The following CADM2 variants were observed in gnomAD, a reference collection of about 807,000 sequenced individuals.
CADM2 encodes cell adhesion molecule 2, also known as immunoglobulin superfamily member 4D.
CADM2 carries 12 observed loss-of-function variants against 49.8 expected under a neutral mutation model. That is an observed-to-expected ratio of 0.24 (90% CI 0.15 to 0.39). The LOEUF is 0.39. Among genes scored for constraint, CADM2 ranks in the 10% least tolerant of loss-of-function variants. CADM2 has a pLI of 1.00. For synonymous variants in CADM2, 214 were observed against 175.4 expected (o/e 1.22, Z -1.74); for missense variants, 378 against 492.3 (o/e 0.77, Z 2.20).
intron 1 of CADM2, among the ~76,000 whole-genome samples, chr3:85,248,328 G>A (rs542180946): frequency 4.6e-5 from 7 of 152,108 alleles, no homozygotes; most frequent in African/African-American, 1.7e-4. Flanking sequence ...AAGCTGGAGT[G>A]AAGTGGCCTG....
chr3:84,959,017 T>C lies in CADM2; in HGVS notation c.-591T>C. On this transcript the variant is annotated 5_prime_UTR_variant, in exon 1 of 10. Transcript: ENST00000383699. The stretch of plus-strand genomic sequence containing the variant: ...GAGCTGCCGCCGTCGCCGCTGCCGC[T>C]GCCGCCACAGCCGCCGCTGCAGCCG... 1 of 200,738 alleles carries C rather than the reference T, an allele frequency of 5.0e-6. No individual in the cohort carries two copies. The highest frequency in any genetic ancestry group is 9.9e-6 in the Non-Finnish European group (1 of 101,036). The allele number at this position is 200,738 out of a possible 1,614,324, so 12.4% of individuals were successfully genotyped here.
chr3:84,987,473 A>G (rs773972699), intron 1 of CADM2, among the ~76,000 whole-genome samples: 3 of 152,136 alleles, frequency 2.0e-5, no homozygotes, highest in South Asian at 2.1e-4. Context: ...TTCCTTTTCT[A>G]TAGGGCTCTG....
intron 1 of CADM2, among the ~76,000 whole-genome samples, chr3:85,543,809 G>T (rs957815215): frequency 6.6e-6 from 1 of 152,124 alleles, no homozygotes; most frequent in African/African-American, 2.4e-5. Context: ...GGCATGTATT[G>T]ACTTATGAGA....
In CADM2 at chr3:85,026,898, T is replaced by A. The variant is rs116174906; in HGVS notation, c.61+67230T>A. Among the ~76,000 whole-genome samples, 1,176 of 152,102 alleles carry A rather than the reference T, an allele frequency of 7.7e-3. 22 individuals are homozygous for A. The highest frequency in any genetic ancestry group is 0.027 in the African/African-American group (1,139 of 41,496). Reference sequence around the variant, plus strand: ...TTTAAAAATGCTAGTGTATATACCCTGGAAAAATGTATGTTAAACAACTAT... The same window carrying A: ...TTTAAAAATGCTAGTGTATATACCCAGGAAAAATGTATGTTAAACAACTAT... On this transcript the variant is annotated intron_variant, in intron 1 of 9. Transcript: ENST00000383699.
chr3:85,628,678 T>C (rs376966282), intron 1 of CADM2, among the ~76,000 whole-genome samples: 12 of 145,946 alleles, frequency 8.2e-5, no homozygotes, highest in African/African-American at 2.0e-4. Context: ...TATATACACA[T>C]ATATATATAT....
At chr3:85,072,972 C>G (rs974058968) in intron 1 of CADM2, among the ~76,000 whole-genome samples, 1 of 151,980 alleles carries the variant, frequency 6.6e-6, no homozygotes, top group Non-Finnish European at 1.5e-5. Context: ...GCTTAAAACC[C>G]TCTCTTTCCC....
chr3:85,040,893 TA>T (rs2035406785), intron 1 of CADM2, among the ~76,000 whole-genome samples: 1 of 152,196 alleles, frequency 6.6e-6, no homozygotes, highest in Non-Finnish European at 1.5e-5. Flanking sequence ...ATGTAAGAAA[TA>T]ATATTACAGG....
chr3:85,895,652 T>C (rs1715120885), intron 5 of CADM2, among the ~76,000 whole-genome samples: 1 of 152,032 alleles, frequency 6.6e-6, no homozygotes, highest in Middle Eastern at 3.2e-3. Flanking sequence ...AATTCTCAGG[T>C]GTTATGGGAG....
At chr3:85,279,739 T>C (rs943881726) in intron 1 of CADM2, among the ~76,000 whole-genome samples, 1 of 151,544 alleles carries the variant, frequency 6.6e-6, no homozygotes, top group Non-Finnish European at 1.5e-5. Context: ...CTGCAATATT[T>C]GGTATTCTCA....
intron 1 of CADM2, among the ~76,000 whole-genome samples, chr3:85,161,923 A>G (rs1318693918): frequency 1.3e-5 from 2 of 152,106 alleles, no homozygotes; most frequent in Non-Finnish European, 2.9e-5. Context: ...AGGCTGAGGC[A>G]GCAGAATCCA....
intron 1 of CADM2, among the ~76,000 whole-genome samples, chr3:85,602,852 AT>A (rs553853253): frequency 2.8e-3 from 432 of 151,900 alleles, no homozygotes; most frequent in Admixed American, 6.4e-3. Context: ...TCTCTCTTAC[AT>A]TTCAAAATTC....
At chr3:85,380,168 G>A (rs918512932) in intron 1 of CADM2, among the ~76,000 whole-genome samples, 1 of 151,860 alleles carries the variant, frequency 6.6e-6, no homozygotes, top group South Asian at 2.1e-4. Flanking sequence ...TTCAAGTTAA[G>A]AGCATAAAAT....
chr3:85,117,860 A>G (rs930555928), intron 1 of CADM2, among the ~76,000 whole-genome samples: 1 of 151,912 alleles, frequency 6.6e-6, no homozygotes, highest in Non-Finnish European at 1.5e-5. Flanking sequence ...ATATTTTGGG[A>G]GGAGTTTTAT....
intron 7 of CADM2, among the ~76,000 whole-genome samples, chr3:85,954,546 C>G (rs749976847): frequency 6.6e-6 from 1 of 150,934 alleles, no homozygotes; most frequent in African/African-American, 2.4e-5. Flanking sequence ...ACCAAGCAAC[C>G]CCAGCTTCTA....
At chr3:85,885,512 T>C (rs1713484619) in intron 4 of CADM2, among the ~76,000 whole-genome samples, 1 of 151,832 alleles carries the variant, frequency 6.6e-6, no homozygotes, top group Non-Finnish European at 1.5e-5. Context: ...CACCTCCCCG[T>C]ATCTACTAAA....
intron 1 of CADM2, among the ~76,000 whole-genome samples, chr3:85,375,227 A>C (rs1474266829): frequency 6.6e-6 from 1 of 152,230 alleles, no homozygotes; most frequent in Non-Finnish European, 1.5e-5. Flanking sequence ...GAGAAGTGGA[A>C]TACTATGCCA....
intron 3 of CADM2, among the ~76,000 whole-genome samples, chr3:85,859,273 C>G (rs1407190380): frequency 4.6e-5 from 6 of 130,776 alleles, no homozygotes; most frequent in Non-Finnish European, 9.4e-5. Context: ...CACTGTCACC[C>G]AGGCTGGAGT....
chr3:85,460,137 G>A (rs1427619072), intron 1 of CADM2, among the ~76,000 whole-genome samples: 1 of 152,062 alleles, frequency 6.6e-6, no homozygotes, highest in African/African-American at 2.4e-5. Flanking sequence ...TGTCTGAGAA[G>A]TTAGTGTTTG....
intron 1 of CADM2, among the ~76,000 whole-genome samples, chr3:85,354,592 T>G (rs896234878): frequency 1.1e-5 from 1 of 92,958 alleles, no homozygotes; most frequent in Non-Finnish European, 2.3e-5. Context: ...TTTAAATACA[T>G]ACATCATATT....
Sources: gnomAD v4.1 joint callset for allele counts (sites outside exome capture counted in the v4.1 genomes callset) on GRCh38, gnomAD v4.1.1 for gene constraint, MANE v1.5 for transcripts, NCBI Gene and HGNC (gene_info 2026-07-23, HGNC 2026-07-21) for gene names.